Variants in NKAIN2 observed in about 807,000 individuals in gnomAD.
The protein encoded by NKAIN2 is sodium/potassium transporting ATPase interacting 2.
Under a neutral mutation model 32.6 loss-of-function variants are expected in NKAIN2, and 14 were observed. That is an observed-to-expected ratio of 0.43 (90% CI 0.28 to 0.67). The LOEUF (loss-of-function observed/expected upper bound fraction) is 0.67, where lower values mean the gene tolerates loss of function less well. NKAIN2 is among the 30% of genes least tolerant of loss of function. NKAIN2 has a pLI of 0.17. For synonymous variants in NKAIN2, 80 were observed against 87.2 expected, an observed-to-expected ratio of 0.92 and a Z score of 0.46; for missense variants, 198 against 258.3, an observed-to-expected ratio of 0.77 and a Z score of 1.60.
intron 4 of NKAIN2, among the ~76,000 whole-genome samples, chr6:124,758,925 G>A (rs1361339786): frequency 6.6e-6 from 1 of 152,150 alleles, no homozygotes; most frequent in Non-Finnish European, 1.5e-5. Context: ...CTCAAGGGCA[G>A]TGTTTCCAAT....
At chr6:123,806,711 C>G (rs1457795567) in intron 1 of NKAIN2, among the ~76,000 whole-genome samples, 3 of 151,884 alleles carry the variant, frequency 2.0e-5, no homozygotes, top group African/African-American at 7.3e-5. Context: ...GTTTACTTCT[C>G]AAGTGTTTAG....
At chr6:123,845,779 C>T (rs1775063152) in intron 1 of NKAIN2, among the ~76,000 whole-genome samples, 1 of 152,120 alleles carries the variant, frequency 6.6e-6, no homozygotes, top group Non-Finnish European at 1.5e-5. Flanking sequence ...GACTGTATAC[C>T]TTATATTTCT....
At chr6:124,639,341 G>C (rs960958405) in intron 3 of NKAIN2, among the ~76,000 whole-genome samples, 1 of 152,198 alleles carries the variant, frequency 6.6e-6, no homozygotes, top group African/African-American at 2.4e-5. Context: ...AAGATTAATA[G>C]ATAAGAAAAT....
chr6:124,807,810 T>C (rs141832404), intron 5 of NKAIN2, among the ~76,000 whole-genome samples: 28,077 of 144,094 alleles, frequency 0.19, 3,299 homozygotes, highest in East Asian at 0.55. Flanking sequence ...ATATCACCAC[T>C]GATCCCACAG....
intron 1 of NKAIN2, among the ~76,000 whole-genome samples, chr6:124,112,558 T>C (rs1383861906): frequency 1.3e-5 from 2 of 152,136 alleles, no homozygotes; most frequent in African/African-American, 4.8e-5. Context: ...TTTGAATTTG[T>C]CTTATTGATG....
intron 1 of NKAIN2, among the ~76,000 whole-genome samples, chr6:124,137,014 A>G (rs1786833073): frequency 2.0e-5 from 3 of 152,166 alleles, no homozygotes; most frequent in African/African-American, 7.2e-5. Flanking sequence ...TAGCCAGAGC[A>G]ATCAGACAAG....
At chr6:124,518,696 A>G (rs1266068969) in intron 3 of NKAIN2, among the ~76,000 whole-genome samples, 1 of 152,230 alleles carries the variant, frequency 6.6e-6, no homozygotes, top group Non-Finnish European at 1.5e-5. Flanking sequence ...AGATTTGGGC[A>G]GAGACACATA....
chr6:124,790,503 T>G (rs1779700425), intron 4 of NKAIN2, among the ~76,000 whole-genome samples: 1 of 152,106 alleles, frequency 6.6e-6, no homozygotes, highest in South Asian at 2.1e-4. Context: ...AGGACATACC[T>G]TTAAGGATTC....
chr6:124,066,508 A>G (rs922825115), intron 1 of NKAIN2, among the ~76,000 whole-genome samples: 1 of 152,154 alleles, frequency 6.6e-6, no homozygotes, highest in African/African-American at 2.4e-5. Context: ...TTATTGGAAA[A>G]GAGTTATGGA....
chr6:124,769,874 C>T (rs1778672352), intron 4 of NKAIN2, among the ~76,000 whole-genome samples: 1 of 152,156 alleles, frequency 6.6e-6, no homozygotes, highest in Non-Finnish European at 1.5e-5. Flanking sequence ...GTAGCACACT[C>T]TATATTGACA....
chr6:124,672,063 G>C (rs1201380347), intron 4 of NKAIN2, among the ~76,000 whole-genome samples: 1 of 151,948 alleles, frequency 6.6e-6, no homozygotes, highest in Non-Finnish European at 1.5e-5. Flanking sequence ...AAGTGAACTA[G>C]AATGCCATTC....
chr6:124,661,923 A>C (rs1431932432), intron 4 of NKAIN2, among the ~76,000 whole-genome samples: 2 of 152,240 alleles, frequency 1.3e-5, no homozygotes, highest in African/African-American at 4.8e-5. Context: ...AACAGCATGG[A>C]TTATAAAATA....
intron 3 of NKAIN2, among the ~76,000 whole-genome samples, chr6:124,439,645 G>C (rs189324397): frequency 6.6e-6 from 1 of 150,526 alleles, no homozygotes; most frequent in African/African-American, 2.4e-5. Flanking sequence ...TTTTTAATCA[G>C]ATCTGTGTTT....
intron 4 of NKAIN2, among the ~76,000 whole-genome samples, chr6:124,750,094 G>A (rs1777638621): frequency 6.6e-6 from 1 of 151,772 alleles, no homozygotes; most frequent in African/African-American, 2.4e-5. Flanking sequence ...AAGCTCCTTT[G>A]CCTGTGGTGC....
intron 4 of NKAIN2, among the ~76,000 whole-genome samples, chr6:124,729,941 A>G (rs1776569897): frequency 6.7e-6 from 1 of 149,780 alleles, no homozygotes; most frequent in Admixed American, 6.7e-5. Context: ...CCAAATCATG[A>G]GTGAACTCCC....
chr6:124,130,236 A>G (rs1481827842), intron 1 of NKAIN2, among the ~76,000 whole-genome samples: 1 of 152,188 alleles, frequency 6.6e-6, no homozygotes. Context: ...TTTGGACAAC[A>G]AAAGCACCAG....
chr6:124,153,891 T>C (rs1005116148), intron 1 of NKAIN2, among the ~76,000 whole-genome samples: 2 of 151,520 alleles, frequency 1.3e-5, no homozygotes, highest in Non-Finnish European at 3.0e-5. Context: ...GTACTTGTTT[T>C]CTTTCCAACT....
At chr6:124,435,447 A>G (rs1000717603) in intron 3 of NKAIN2, among the ~76,000 whole-genome samples, 2 of 152,162 alleles carry the variant, frequency 1.3e-5, no homozygotes, top group African/African-American at 4.8e-5. Context: ...TTTGTTTGCT[A>G]TAGTTCTAAA....
intron 4 of NKAIN2, among the ~76,000 whole-genome samples, chr6:124,704,130 A>G (rs1285201316): frequency 2.0e-5 from 3 of 151,996 alleles, no homozygotes; most frequent in South Asian, 2.1e-4. Context: ...ATTTATAAGA[A>G]GAGGCTCACT....
Sources: allele counts gnomAD v4.1 joint callset (sites outside exome capture counted in the v4.1 genomes callset), GRCh38; gene constraint gnomAD v4.1.1; transcripts MANE v1.5; gene names NCBI Gene and HGNC (gene_info 2026-07-23, HGNC 2026-07-21).